Variants in ANAPC11 observed in about 807,000 individuals in gnomAD.
ANAPC11 encodes the protein anaphase-promoting complex subunit 11.
A neutral mutation model predicts 11.8 loss-of-function variants in ANAPC11; 5 were observed. The ratio of observed to expected loss-of-function variants is 0.42; its 90% CI spans 0.22 to 0.89. ANAPC11 has a LOEUF of 0.89. Ranked by LOEUF, ANAPC11 falls within the 40% of genes least tolerant of loss-of-function variation. ANAPC11 has a pLI of 0.28. For missense variants in ANAPC11, 68 were observed against 112.9 expected (o/e 0.60, Z 1.80); for synonymous variants, 45 against 41.0 (o/e 1.10, Z -0.38).
chr17:81,896,271 A>G, intron 3 of ANAPC11, among the ~76,000 whole-genome samples: 1 of 152,198 alleles, frequency 6.6e-6, no homozygotes, highest in East Asian at 1.9e-4. Flanking sequence ...AAATACAAAA[A>G]AGTAGCCGGG....
At position 81,899,914 on chromosome 17, in the gene ANAPC11, C is replaced by A. The variant is rs748254134; in HGVS notation, c.110-6C>A. On this transcript the variant is annotated splice_region_variant and splice_polypyrimidine_tract_variant and intron_variant, in intron 3 of 3. Transcript: ENST00000344877. ...GCCTGTCCTTTTCCCCACCTCCCCT[C>A]CGTAGGCAAGGTGCCCGGCGACGAC... 1.9e-6 allele frequency: 3 copies of A among 1,606,314 alleles called. No individual in the cohort carries two copies. The South Asian group carries it at 3.3e-5, about 18-fold the overall frequency.
chr17:81,895,355 A>G (rs561363030), intron 3 of ANAPC11, among the ~76,000 whole-genome samples: 1 of 151,770 alleles, frequency 6.6e-6, no homozygotes, highest in Non-Finnish European at 1.5e-5. Flanking sequence ...CCCCCCCAAC[A>G]TTTTCATTTT....
In ANAPC11 at chr17:81,900,203, A is replaced by G. The variant is rs2039896062; in HGVS notation, c.*138A>G. ...GAGCTGCGTTTGTTTTGCCATCACT[A>G]TGTTGACACTTTTATCCAATAAGTG... is the stretch of plus-strand genomic sequence containing the variant. On this transcript the variant is annotated 3_prime_UTR_variant, in exon 4 of 4. Transcript: ENST00000344877. 1.5e-6 allele frequency: 2 copies of G among 1,336,400 alleles called. No individual in the cohort carries two copies. The highest frequency in any genetic ancestry group is 1.3e-5 in the South Asian group (1 of 75,432). The allele number at this position is 1,336,400 out of a possible 1,614,324, so 82.8% of individuals were successfully genotyped here.
chr17:81,891,058 T>TC (rs1598292698), upstream of ANAPC11: 8 of 677,310 alleles, frequency 1.2e-5, no homozygotes, highest in East Asian at 2.3e-4. Flanking sequence ...GCGCCCAGCG[T>TC]CCCCTCCTCT....
At chr17:81,894,335 G>A (rs769069357) in intron 2 of ANAPC11, 132 bp from the exon 3 acceptor site, 2 of 444,694 alleles carry the variant, frequency 4.5e-6, no homozygotes, top group Middle Eastern at 3.4e-4. Flanking sequence ...CTCCTGGGCC[G>A]GTATGATCTT....
intron 1 of ANAPC11, among the ~76,000 whole-genome samples, chr17:81,892,343 T>C (rs937659572): frequency 6.6e-6 from 1 of 151,316 alleles, no homozygotes; most frequent in Non-Finnish European, 1.5e-5. Flanking sequence ...GTGGTGCACT[T>C]CTGTACTACC....
chr17:81,890,862 G>C, upstream of ANAPC11: 2 of 1,613,620 alleles, frequency 1.2e-6, no homozygotes, highest in Non-Finnish European at 1.7e-6. Flanking sequence ...GTGAGTCTCA[G>C]TCCAGGGCTT....
upstream of ANAPC11, chr17:81,891,388 G>A (rs758291181): frequency 1.8e-6 from 2 of 1,108,422 alleles, no homozygotes; most frequent in South Asian, 3.2e-5. Context: ...ATGGCCGGCC[G>A]GTTCCGGATG....
chr17:81,892,508 G>T (rs1190187283), intron 1 of ANAPC11, among the ~76,000 whole-genome samples: 1 of 149,440 alleles, frequency 6.7e-6, no homozygotes, highest in Non-Finnish European at 1.5e-5. Flanking sequence ...ATGAAAACCA[G>T]TGTGCCATTT....
At chr17:81,891,227 T>G (rs1037808310), upstream of ANAPC11, 14 of 982,702 alleles carry the variant, frequency 1.4e-5, no homozygotes, top group Admixed American at 6.4e-5. Context: ...ACCAGCCTTA[T>G]CCACCCGCCG....
intron 1 of ANAPC11, among the ~76,000 whole-genome samples, chr17:81,892,542 T>TTTTTTTTTTTTTTTTGA (rs1891192296): frequency 5.0e-5 from 7 of 138,692 alleles, no homozygotes; most frequent in African/African-American, 1.9e-4. Flanking sequence ...TTTTTTTTTT[T>TTTTTTTTTTTTTTTTGA]GAGGCAGTCT....
At chr17:81,891,487 C>G, upstream of ANAPC11, 1 of 1,233,698 alleles carries the variant, frequency 8.1e-7, no homozygotes, top group Non-Finnish European at 1.0e-6. Flanking sequence ...CCCCGGCCCC[C>G]GCCCCGGCCG....
upstream of ANAPC11, chr17:81,890,800 C>G: frequency 6.2e-7 from 1 of 1,614,150 alleles, no homozygotes; most frequent in Non-Finnish European, 8.5e-7. Context: ...CGTGCTGCCA[C>G]TTGTCGGGAA....
At chr17:81,890,838 A>G, upstream of ANAPC11, 2 of 1,613,950 alleles carry the variant, frequency 1.2e-6, no homozygotes, top group Non-Finnish European at 8.5e-7. Context: ...AAAAACCGCA[A>G]CAAGAGCAGA....
At chr17:81,894,434 A>G (rs751563708) in intron 2 of ANAPC11, 33 bp from the exon 3 acceptor site, 1 of 1,367,956 alleles carries the variant, frequency 7.3e-7, no homozygotes, top group Non-Finnish European at 1.0e-6. Context: ...TGCAGACTCA[A>G]TTTAGCCAGT....
intron 3 of ANAPC11, chr17:81,894,887 TTTTTA>T: frequency 3.2e-6 from 1 of 310,690 alleles, no homozygotes; most frequent in Non-Finnish European, 5.8e-6. Context: ...TGGGCTAATT[TTTTTA>T]TTTTTAGTAG....
At chr17:81,899,716 T>C in intron 3 of ANAPC11, 3 of 969,108 alleles carry the variant, frequency 3.1e-6, no homozygotes, top group Non-Finnish European at 4.5e-6. Flanking sequence ...CCGGTGTCCC[T>C]TGGTCATTGC....
At position 81,893,946 on chromosome 17, in the gene ANAPC11, T is replaced by C. The variant is rs529432391; in HGVS notation, c.-12+332T>C. On this transcript the variant is annotated intron_variant, in intron 2 of 3. Transcript: ENST00000344877. ...TAGCTCCCCTGCAGCCCTGACCCTC[T>C]GGGCCCAGAGCCCTTTACTTGTTAT... Among the ~76,000 whole-genome samples, 5 of 151,942 alleles carry C rather than the reference T, an allele frequency of 3.3e-5. No individual in the cohort carries two copies. In the East Asian group the frequency reaches 7.8e-4, roughly 24 times the overall value.
At chr17:81,894,618 C>T (rs1218653424) in intron 3 of ANAPC11, 32 bp downstream of exon 3, 1 of 1,508,896 alleles carries the variant, frequency 6.6e-7, no homozygotes, top group Admixed American at 1.7e-5. Flanking sequence ...TCTGAGCGGC[C>T]CCGACTGTGA....
Sources: allele counts gnomAD v4.1 joint callset (sites outside exome capture counted in the v4.1 genomes callset), GRCh38; gene constraint gnomAD v4.1.1; transcripts MANE v1.5; gene names NCBI Gene and HGNC (gene_info 2026-07-23, HGNC 2026-07-21).